Variants in VWF observed in about 807,000 individuals in gnomAD.
VWF encodes Factor VIII related antigen.
In VWF, 176 loss-of-function variants were observed where a neutral mutation model predicts 308.6. The ratio of observed to expected loss-of-function variants is 0.57; its 90% CI spans 0.50 to 0.65. The LOEUF (loss-of-function observed/expected upper bound fraction) is 0.65. VWF is among the 30% of genes least tolerant of loss of function. The pLI, the probability that VWF is intolerant of heterozygous loss-of-function variation, is 0.00. For synonymous variants in VWF, 1,385 were observed against 1,443.4 expected (o/e 0.96, Z 0.92); for missense variants, 3,146 against 3,648.2 (o/e 0.86, Z 3.55).
At chr12:6,059,594 G>A (rs568088870) in intron 13 of VWF, among the ~76,000 whole-genome samples, 12 of 152,214 alleles carry the variant, frequency 7.9e-5, no homozygotes, top group Non-Finnish European at 4.4e-5. Flanking sequence ...GTGCCTTCTA[G>A]CTGTGTCCTC....
At chr12:6,066,447 G>A in intron 10 of VWF, among the ~76,000 whole-genome samples, 1 of 152,360 alleles carries the variant, frequency 6.6e-6, no homozygotes, top group Non-Finnish European at 1.5e-5. Flanking sequence ...GGTGAAGGAG[G>A]AAGACTTTTC....
chr12:6,085,722 G>C (rs1404751674), intron 6 of VWF, among the ~76,000 whole-genome samples: 2 of 151,226 alleles, frequency 1.3e-5, no homozygotes, highest in East Asian at 2.0e-4. Flanking sequence ...GGCGGGGAGG[G>C]GGGGCGCGGG....
intron 6 of VWF, among the ~76,000 whole-genome samples, chr12:6,084,898 T>A (rs991913437): frequency 6.6e-6 from 1 of 152,158 alleles, no homozygotes; most frequent in African/African-American, 2.4e-5. Flanking sequence ...CTGATTCTAT[T>A]TATAACTTCT....
At chr12:6,099,693 A>G (rs1945140687) in intron 5 of VWF, among the ~76,000 whole-genome samples, 1 of 152,110 alleles carries the variant, frequency 6.6e-6, no homozygotes, top group African/African-American at 2.4e-5. Context: ...AGCCATATGT[A>G]GAAAGCTGAA....
At chr12:6,117,272 A>G (rs1945378161) in intron 3 of VWF, among the ~76,000 whole-genome samples, 1 of 152,250 alleles carries the variant, frequency 6.6e-6, no homozygotes, top group Non-Finnish European at 1.5e-5. Context: ...TTTGAGGTAG[A>G]CAGGCCTTCC....
chr12:6,027,900 T>G (rs1944214306), intron 22 of VWF, among the ~76,000 whole-genome samples: 2 of 148,752 alleles, frequency 1.3e-5, no homozygotes, highest in South Asian at 4.3e-4. Flanking sequence ...ACAAAAAAAC[T>G]TTTTTCCCCT....
intron 15 of VWF, among the ~76,000 whole-genome samples, chr12:6,054,488 G>A (rs950623104): frequency 1.3e-5 from 2 of 152,200 alleles, no homozygotes; most frequent in African/African-American, 4.8e-5. Flanking sequence ...GGCTGGCTTG[G>A]AGCCTTATTA....
At chr12:6,112,921 C>A (rs3782716) in intron 3 of VWF, among the ~76,000 whole-genome samples, 73,746 of 151,912 alleles carry the variant, frequency 0.49, 20,138 homozygotes, top group Non-Finnish European at 0.63. Context: ...CCAAACCAAC[C>A]CGAATGAGCT....
chr12:6,049,568 C>T (rs760074720), intron 16 of VWF, among the ~76,000 whole-genome samples: 1 of 152,214 alleles, frequency 6.6e-6, no homozygotes, highest in Non-Finnish European at 1.5e-5. Context: ...CAAATTCAAC[C>T]GTCTATTCTC....
In VWF at chr12:6,072,487, C is replaced by T. The variant is rs185148953; in HGVS notation, c.998-45G>A. The T allele has an allele frequency of 1.1e-3, 1,680 of 1,467,188 alleles. 5 individuals are homozygous for T. Among genetic ancestry groups the T allele is most frequent in the South Asian group, 3.3e-3 (287 of 87,272 alleles). 90.9% of individuals were successfully genotyped at this position (1,467,188 alleles called of 1,614,324 possible). On this transcript the variant is annotated intron_variant, in intron 8 of 51. Transcript: ENST00000261405. ...GACAAAGGCCTCAACATTGTCATTG[C>T]GTCACTCATCCCACAACTATAGAAT...
intron 46 of VWF, 64 bp downstream of exon 46, chr12:5,968,063 C>G: frequency 1.9e-6 from 3 of 1,607,208 alleles, no homozygotes; most frequent in Non-Finnish European, 2.6e-6. Flanking sequence ...TGCCTGCTCC[C>G]CTTCCCACAG....
chr12:5,953,833 C>T (rs1420276040), intron 47 of VWF: 1 of 525,528 alleles, frequency 1.9e-6, no homozygotes, highest in African/African-American at 1.9e-5. Flanking sequence ...TAAATGAGAC[C>T]TTTTCCCTGA....
At chr12:6,057,153 A>G (rs1944589186) in intron 14 of VWF, 81 bp from the exon 15 acceptor site, 72 of 1,320,804 alleles carry the variant, frequency 5.5e-5, no homozygotes, top group Non-Finnish European at 7.3e-5. Context: ...TCCCCTGGAA[A>G]TAGCCCAGTG....
At chr12:5,985,732 G>C (rs980918129) in intron 38 of VWF, 67 bp from the exon 39 acceptor site, 1 of 1,478,822 alleles carries the variant, frequency 6.8e-7, no homozygotes, top group Non-Finnish European at 9.3e-7. Context: ...AATTCACAGA[G>C]GTCAGCTCTC....
In VWF at chr12:6,024,276, A is replaced by G. The variant is rs1196537229; in HGVS notation, c.3223-489T>C. Among the ~76,000 whole-genome samples, 1 of 152,232 alleles carries G rather than the reference A, an allele frequency of 6.6e-6. No individual in the cohort carries two copies. The highest frequency in any genetic ancestry group is 1.5e-5 in the Non-Finnish European group (1 of 68,040). ...CTATGGGGCAGGTATGCAGGACAAT[A>G]GGGCCTAGACTCTGATTCCAAATCC... On this transcript the variant is annotated intron_variant, in intron 24 of 51. Transcript: ENST00000261405. The surrounding 1 kb of genome is among the most constrained non-coding windows in gnomAD (Gnocchi z 4.0).
rs34140032 is a variant in VWF at position 6,108,334 on chromosome 12, TACACACACACACACAC to T, written c.532+2024_532+2039del. On this transcript the variant is annotated intron_variant, in intron 5 of 51. Transcript: ENST00000261405. ...AGAAAGAAAGAAAGAAAGAAATATA[TACACACACACACACAC>T]ACACACACACACACACAAAGCAAAA... 4.8e-5 allele frequency among the ~76,000 whole-genome samples: 6 copies of T among 124,194 alleles called. No individual in the cohort carries two copies. The South Asian group carries it at 8.0e-4, about 17-fold the overall frequency. 81.5% of individuals were successfully genotyped at this position (124,194 alleles called of 152,430 possible). A position where few individuals can be genotyped will look rare whatever the true frequency, so the allele number is the denominator to read the frequency against.
intron 42 of VWF, among the ~76,000 whole-genome samples, chr12:5,980,305 G>C (rs1943591531): frequency 6.7e-6 from 1 of 149,404 alleles, no homozygotes; most frequent in African/African-American, 2.5e-5. Context: ...CTCTGGGTGT[G>C]ATGCACATGG....
At position 6,046,771 on chromosome 12, in the gene VWF, C is replaced by T. The variant is rs367811486; in HGVS notation, c.2233G>A (p.Gly745Arg). 5.0e-5 allele frequency: 80 copies of T among 1,614,034 alleles called. No homozygotes were observed. The highest frequency in any genetic ancestry group is 1.4e-4 in the South Asian group (13 of 91,090). The change falls in exon 17 of 52, where the codon GGA becomes AGA. Residue 745 changes from glycine (G) to arginine (R), a missense_variant. By Grantham distance (125) the Gly-to-Arg change is moderately radical (BLOSUM62 -2). This residue lies in a region of VWF where 1,304 missense variants were observed against 1,353.0 expected (regional missense o/e 0.96). Transcript: ENST00000261405. The surrounding 1 kb of genome is among the most constrained non-coding windows in gnomAD (Gnocchi z 5.0). The part of the protein sequence containing the change: ...FMHCTMSGVP[G>R]SLLPDAVLSS... ...AGGACAGCGTCAGGCAGCAAGCTTC[C>T]GGGGACTCCACTCATGGTACAGTGC...
intron 5 of VWF, among the ~76,000 whole-genome samples, chr12:6,106,564 C>T (rs1945245908): frequency 6.6e-6 from 1 of 152,030 alleles, no homozygotes; most frequent in Admixed American, 6.6e-5. Context: ...GAACTATATA[C>T]ATAAAAATGG....
Sources: allele counts gnomAD v4.1 joint callset (sites outside exome capture counted in the v4.1 genomes callset), GRCh38; gene constraint gnomAD v4.1.1; regional missense constraint gnomAD v4.1.1; non-coding constraint Gnocchi (gnomAD v3.1); transcripts MANE v1.5; gene names NCBI Gene and HGNC (gene_info 2026-07-23, HGNC 2026-07-21).